PRKDC: variants seen among roughly 807,000 people sequenced by gnomAD.
PRKDC encodes DNA-dependent protein kinase catalytic subunit.
PRKDC carries 82 observed loss-of-function variants against 486.9 expected under a neutral mutation model. The ratio of observed to expected loss-of-function variants is 0.17; its 90% confidence interval spans 0.14 to 0.20. The LOEUF is 0.20. PRKDC is among the 10% of genes least tolerant of loss of function. The probability of loss-of-function intolerance (pLI) is 1.00; values close to 1 mark genes in which losing one functional copy is unlikely to be tolerated. For synonymous variants in PRKDC, 1,895 were observed against 1,837.0 expected (o/e 1.03, Z -0.81); for missense variants, 4,504 against 5,038.2 (o/e 0.89, Z 3.21).
At chr8:47,891,409 C>A (rs779539493) in intron 31 of PRKDC, among the ~76,000 whole-genome samples, 6 of 152,170 alleles carry the variant, frequency 3.9e-5, no homozygotes, top group Non-Finnish European at 7.3e-5. Flanking sequence ...ATTCCAAGAA[C>A]TGAGATAACT....
chr8:47,925,161 G>A (rs1033734108), intron 21 of PRKDC, among the ~76,000 whole-genome samples: 17 of 152,144 alleles, frequency 1.1e-4, no homozygotes, highest in African/African-American at 3.4e-4. Context: ...AAGGCCTCAG[G>A]ACTGATCACT....
chr8:47,924,383 A>AC (rs990084055), intron 21 of PRKDC, among the ~76,000 whole-genome samples: 4 of 151,712 alleles, frequency 2.6e-5, no homozygotes, highest in Non-Finnish European at 5.9e-5. Context: ...ACATAGTGAG[A>AC]CCCCCATCTC....
At chr8:47,939,247 G>A (rs767136237) in intron 11 of PRKDC, among the ~76,000 whole-genome samples, 13 of 152,292 alleles carry the variant, frequency 8.5e-5, no homozygotes, top group Non-Finnish European at 1.3e-4. Flanking sequence ...GGAGGGATTG[G>A]TTCCAGGCCT....
intron 62 of PRKDC, 62 bp downstream of exon 62, chr8:47,828,106 G>A (rs879051059): frequency 1.3e-6 from 2 of 1,484,564 alleles, no homozygotes; most frequent in South Asian, 2.5e-5. Context: ...TAGTGATGAT[G>A]GAAAGGCCAT....
At chr8:47,875,247 C>T (rs1334609047) in intron 40 of PRKDC, among the ~76,000 whole-genome samples, 1 of 152,254 alleles carries the variant, frequency 6.6e-6, no homozygotes, top group African/African-American at 2.4e-5. Context: ...TAATATTTTT[C>T]GTAATATTCG....
At chr8:47,839,471 GGAGGCC>G (rs1049702093) in intron 55 of PRKDC, among the ~76,000 whole-genome samples, 2 of 152,176 alleles carry the variant, frequency 1.3e-5, no homozygotes, top group Non-Finnish European at 2.9e-5. Flanking sequence ...TGGGCCCACA[GGAGGCC>G]CAGCGGTCCT....
At chr8:47,872,136 G>T (rs1299291392) in intron 40 of PRKDC, among the ~76,000 whole-genome samples, 1 of 152,174 alleles carries the variant, frequency 6.6e-6, no homozygotes. Context: ...AAAAGCGGAA[G>T]ATGAGATTAA....
chr8:47,935,987 G>T, intron 12 of PRKDC, 87 bp from the exon 13 acceptor site: 1 of 1,255,320 alleles, frequency 8.0e-7, no homozygotes, highest in Non-Finnish European at 1.1e-6. Flanking sequence ...AATTACAACT[G>T]AATTAGATAC....
In PRKDC at chr8:47,877,796, T is replaced by C; in HGVS notation, c.5291A>G (p.Glu1764Gly). Residue 1764 changes from glutamate (E) to glycine (G), a missense_variant, in exon 40 of 86, where the codon GAA becomes GGA. Glu to Gly is a moderately conservative substitution (Grantham distance 98, BLOSUM62 -2). Around this residue, in one of 6 missense-constraint regions of PRKDC, gnomAD observed 1,969 missense variants for 2,068.9 expected, o/e 0.95. Transcript: ENST00000314191. ...ATGCTGCTGTTCCCGACAAAGAACT[T>C]CTGTCATCAATTCCAACAACATAGG... is the stretch of plus-strand genomic sequence containing the variant. ...QSPMLLELMT[E>G]VLCREQQHVM... 1 of 1,598,532 alleles carries C rather than the reference T, an allele frequency of 6.3e-7. No individual in the cohort carries two copies. The highest frequency in any genetic ancestry group is 8.5e-7 in the Non-Finnish European group (1 of 1,171,564).
In PRKDC at chr8:47,957,234, C is replaced by T; in HGVS notation, c.261G>A (p.Lys87=). 6.2e-7 allele frequency: 1 copy of T among 1,602,222 alleles called. No individual in the cohort carries two copies. ...EFRECREEIL[K]FLCIFLEKMG... ...TTTTTTCTAAGAAAATACATAAAAA[C>T]TTTAGGATTTCTTCTCTACATTCAC... is the stretch of plus-strand genomic sequence containing the variant. The change falls in exon 3 of 86, where the codon AAG becomes AAA. Residue 87 remains lysine (K), a synonymous_variant. Coordinates refer to ENST00000314191, the MANE Select transcript of PRKDC (RefSeq NM_006904.7).
chr8:47,791,208 G>C (rs1022826766), intron 74 of PRKDC, among the ~76,000 whole-genome samples: 3 of 152,196 alleles, frequency 2.0e-5, no homozygotes, highest in African/African-American at 7.2e-5. Flanking sequence ...CGGGCGCAGT[G>C]GCTCATGTCT....
At chr8:47,879,368 A>C (rs1255414886) in intron 39 of PRKDC, 123 bp downstream of exon 39, 1 of 829,716 alleles carries the variant, frequency 1.2e-6, no homozygotes. Context: ...CATTTTGAAT[A>C]ACCTATTGGG....
At chr8:47,929,046 TA>T (rs779961104) in intron 19 of PRKDC, 45 bp downstream of exon 19, 2 of 1,313,754 alleles carry the variant, frequency 1.5e-6, no homozygotes, top group Non-Finnish European at 1.1e-6. Context: ...GATATTCATT[TA>T]AAAACAGTTC....
At chr8:47,822,171 C>T (rs998432918) in intron 64 of PRKDC, among the ~76,000 whole-genome samples, 1 of 152,042 alleles carries the variant, frequency 6.6e-6, no homozygotes, top group Non-Finnish European at 1.5e-5. Flanking sequence ...CAAGCACCTG[C>T]AGTCCCAGCT....
intron 31 of PRKDC, among the ~76,000 whole-genome samples, chr8:47,892,103 C>A (rs1053186449): frequency 6.6e-6 from 1 of 152,164 alleles, no homozygotes; most frequent in African/African-American, 2.4e-5. Flanking sequence ...CTCCTCACCT[C>A]AGGTGATGTG....
In PRKDC at chr8:47,840,115, C is replaced by T. The variant is rs374149944; in HGVS notation, c.7355G>A (p.Arg2452Gln). Reference protein sequence around the residue: ...MMPKLKPVELRELLNPVVEFV... With the variant: ...MMPKLKPVELQELLNPVVEFV... ...TTCCACAACGGGGTTCAGAAGTTCT[C>T]GGAGTTCTACTGGTTTTAACTTTGG... The change falls in exon 55 of 86, where the codon CGA (arginine) becomes CAA (glutamine). Residue 2452 changes from arginine (R) to glutamine (Q), a missense_variant. Physicochemically the swap from Arg to Gln is conservative, Grantham distance 43. Around this residue, in one of 6 missense-constraint regions of PRKDC, gnomAD observed 1,592 missense variants for 1,724.6 expected, o/e 0.92. Transcript: ENST00000314191. 1.0e-4 allele frequency: 166 copies of T among 1,593,484 alleles called. No individual in the cohort carries two copies. Among genetic ancestry groups the T allele is most frequent in the Middle Eastern group, 1.7e-4 (1 of 6,060 alleles).
At chr8:47,873,913 G>A (rs542576164) in intron 40 of PRKDC, among the ~76,000 whole-genome samples, 1 of 152,094 alleles carries the variant, frequency 6.6e-6, no homozygotes, top group South Asian at 2.1e-4. Context: ...ACAAAAACAT[G>A]GTTAGATAGA....
intron 49 of PRKDC, among the ~76,000 whole-genome samples, chr8:47,856,148 T>C (rs1017838342): frequency 2.6e-5 from 4 of 152,138 alleles, no homozygotes; most frequent in Non-Finnish European, 5.9e-5. Context: ...CTAAATTTGG[T>C]TAACTGTGAA....
chr8:47,941,117 A>G lies in PRKDC; in HGVS notation c.967-1420T>C, dbSNP rs1334995064. ...TGCACTCCAGCCTGGGTGACAGAGC[A>G]AAACTCCATCTCAAAAAAAAAAAAA... On this transcript the variant is annotated intron_variant, in intron 10 of 85. Transcript: ENST00000314191. Among the ~76,000 whole-genome samples the G allele has an allele frequency of 9.9e-5, 15 of 151,630 alleles. No homozygotes were observed. In the East Asian group the frequency reaches 2.9e-3, roughly 29 times the overall value.
Sources: allele counts gnomAD v4.1 joint callset (sites outside exome capture counted in the v4.1 genomes callset), GRCh38; gene constraint gnomAD v4.1.1; regional missense constraint gnomAD v4.1.1; transcripts MANE v1.5; gene names NCBI Gene and HGNC (gene_info 2026-07-23, HGNC 2026-07-21).